COL4A3: variants seen among roughly 807,000 people sequenced by gnomAD.
The protein encoded by COL4A3 is collagen type IV alpha 3 chain.
In COL4A3, 135 loss-of-function variants were observed where a neutral mutation model predicts 217.4. That is an observed-to-expected ratio of 0.62 (90% confidence interval 0.54 to 0.72). The LOEUF (loss-of-function observed/expected upper bound fraction) is 0.72, where lower values mean the gene tolerates loss of function less well. Among genes scored for constraint, COL4A3 ranks in the 30% least tolerant of loss-of-function variants. The pLI, the probability that COL4A3 is intolerant of heterozygous loss-of-function variation, is 0.00. For synonymous variants in COL4A3, 690 were observed against 736.3 expected (o/e 0.94, Z 1.02); for missense variants, 1,868 against 2,119.9 (o/e 0.88, Z 2.33).
rs1325149395 is a variant in COL4A3, at chr2:227,276,425, C to A, written c.1968C>A (p.Gly656=). ...GELSVSTPVP[G]PPGPPGPPGH... ...TCAGTGTTTCAACACCAGTTCCAGGCCCACCAGGACCTCCAGGGCCCCCTG... is the reference window on the plus strand; with the variant it reads ...TCAGTGTTTCAACACCAGTTCCAGGACCACCAGGACCTCCAGGGCCCCCTG... The change falls in exon 27 of 52, where the codon GGC becomes GGA. Residue 656 remains glycine, a synonymous_variant. Coordinates refer to ENST00000396578, the MANE Select transcript of COL4A3 (RefSeq NM_000091.5). 1.2e-6 allele frequency: 2 copies of A among 1,614,038 alleles called. No homozygotes were observed. The highest frequency in any genetic ancestry group is 2.7e-5 in the African/African-American group (2 of 74,926).
At chr2:227,201,887 T>C (rs929252379) in intron 1 of COL4A3, among the ~76,000 whole-genome samples, 1 of 152,188 alleles carries the variant, frequency 6.6e-6, no homozygotes, top group African/African-American at 2.4e-5. Context: ...ATTACTTGTT[T>C]TGATGTATTT....
At position 227,245,857 on chromosome 2, in the gene COL4A3, A is replaced by G. The variant is rs2069302843; in HGVS notation, c.325-97A>G. On this transcript the variant is annotated intron_variant, in intron 5 of 51. Coordinates refer to ENST00000396578, the MANE Select transcript of COL4A3 (RefSeq NM_000091.5). ...TACTTAACCATTTAAACAATCATTTATATTTCAAGAGCTATTTAAATCAGT... is the reference window on the plus strand; with the variant it reads ...TACTTAACCATTTAAACAATCATTTGTATTTCAAGAGCTATTTAAATCAGT... 33 of 893,770 alleles carry G rather than the reference A, an allele frequency of 3.7e-5. No homozygotes were observed. The South Asian group carries it at 4.3e-4, about 12-fold the overall frequency. 55.4% of individuals were successfully genotyped at this position (893,770 alleles called of 1,614,324 possible).
intron 1 of COL4A3, among the ~76,000 whole-genome samples, chr2:227,195,256 C>G (rs1437656178): frequency 6.8e-6 from 1 of 146,246 alleles, no homozygotes; most frequent in African/African-American, 2.6e-5. Flanking sequence ...AATCCCAAAT[C>G]ACGTAAAATC....
chr2:227,165,112 G>T (rs1288651430), intron 1 of COL4A3, among the ~76,000 whole-genome samples: 2 of 152,134 alleles, frequency 1.3e-5, no homozygotes, highest in Non-Finnish European at 2.9e-5. Context: ...TTAAAAAATA[G>T]ACACATAGAT....
At chr2:227,236,017 G>A (rs191635136) in intron 1 of COL4A3, among the ~76,000 whole-genome samples, 67 of 151,848 alleles carry the variant, frequency 4.4e-4, no homozygotes, top group Middle Eastern at 6.8e-3. Flanking sequence ...CAGGTGATCC[G>A]CCCCCCTGGG....
At chr2:227,249,224 ATATATATT>A (rs1487282912) in intron 9 of COL4A3, among the ~76,000 whole-genome samples, 1 of 24,182 alleles carries the variant, frequency 4.1e-5, no homozygotes, top group Admixed American at 3.5e-4. Flanking sequence ...ATATATATAT[ATATATATT>A]TTTTTTTTTT....
rs778886174 is a variant in COL4A3 at position 227,245,990 on chromosome 2, G to A, written c.361G>A (p.Gly121Ser). 9.3e-6 allele frequency: 15 copies of A among 1,613,638 alleles called. No homozygotes were observed. The highest frequency in any genetic ancestry group is 1.6e-4 in the Middle Eastern group (1 of 6,084). Residue 121 changes from glycine (G) to serine (S), a missense_variant, in exon 6 of 52, where the codon GGT becomes AGT. Gly to Ser is a moderately conservative substitution (Grantham distance 56). Around this residue, in one of 2 missense-constraint regions of COL4A3, gnomAD observed 365 missense variants for 333.8 expected, o/e 1.09. Transcript: ENST00000396578. The part of the protein sequence containing the change: ...PGNTGPYGLV[G>S]VPGCSGSKGE... ...CAATACCGGGCCTTACGGACTTGTC[G>A]GTGTACCAGGATGCAGTGGTTCTAA...
At chr2:227,244,726 A>G (rs2069220621) in intron 4 of COL4A3, 1 of 717,892 alleles carries the variant, frequency 1.4e-6, no homozygotes, top group Admixed American at 2.1e-5. Context: ...TCGATCCAAA[A>G]AAGCCAAAAA....
intron 39 of COL4A3, 27 bp downstream of exon 39, chr2:227,294,597 C>T: frequency 1.3e-6 from 2 of 1,486,354 alleles, no homozygotes; most frequent in Non-Finnish European, 1.9e-6. Flanking sequence ...TTCTCTTTTT[C>T]CTTTTCATGT....
chr2:227,289,983 C>G lies in COL4A3; in HGVS notation c.2981-16C>G. 6.2e-7 allele frequency: 1 copy of G among 1,612,172 alleles called. No individual in the cohort carries two copies. Among genetic ancestry groups the G allele is most frequent in the East Asian group, 2.2e-5 (1 of 44,894 alleles). ...CAGGAACTGTGCAGGGCAATAACTA[C>G]TTATTTGTTCTCAAGGCCCCAGAGG... is the stretch of plus-strand genomic sequence containing the variant. On this transcript the variant is annotated splice_polypyrimidine_tract_variant and intron_variant, in intron 35 of 51. Coordinates refer to ENST00000396578, the MANE Select transcript of COL4A3 (RefSeq NM_000091.5).
At chr2:227,172,045 G>A (rs2065495821) in intron 1 of COL4A3, among the ~76,000 whole-genome samples, 1 of 152,164 alleles carries the variant, frequency 6.6e-6, no homozygotes, top group Non-Finnish European at 1.5e-5. Context: ...GTGTTCACTT[G>A]AGACATTCTT....
At chr2:227,302,965 T>C (rs2073357647) in intron 43 of COL4A3, 73 bp from the exon 44 acceptor site, 3 of 984,554 alleles carry the variant, frequency 3.0e-6, no homozygotes, top group Non-Finnish European at 4.9e-6. Flanking sequence ...CTATTTGCAT[T>C]TTTAAAAAAC....
At chr2:227,189,836 T>C (rs1000259083) in intron 1 of COL4A3, among the ~76,000 whole-genome samples, 3 of 152,214 alleles carry the variant, frequency 2.0e-5, no homozygotes, top group Non-Finnish European at 4.4e-5. Flanking sequence ...TGTCTTCACA[T>C]GATGTCTGCT....
chr2:227,270,565 ACTAT>A (rs2071175783), intron 24 of COL4A3, among the ~76,000 whole-genome samples: 1 of 152,220 alleles, frequency 6.6e-6, no homozygotes, highest in Non-Finnish European at 1.5e-5. Context: ...TTTGAATTAT[ACTAT>A]CTAACTGAAT....
At chr2:227,179,556 T>G (rs747463957) in intron 1 of COL4A3, among the ~76,000 whole-genome samples, 10 of 152,224 alleles carry the variant, frequency 6.6e-5, no homozygotes, top group Non-Finnish European at 1.5e-4. Flanking sequence ...TGGTATTTTA[T>G]TAGATATCCA....
At chr2:227,180,242 G>T (rs975693859) in intron 1 of COL4A3, among the ~76,000 whole-genome samples, 1 of 152,136 alleles carries the variant, frequency 6.6e-6, no homozygotes, top group African/African-American at 2.4e-5. Context: ...TGAGAACAGG[G>T]CAGCCTCTGA....
chr2:227,307,492 G>A (rs1005076402), intron 47 of COL4A3, among the ~76,000 whole-genome samples: 2 of 152,138 alleles, frequency 1.3e-5, no homozygotes, highest in African/African-American at 2.4e-5. Context: ...CTCAAAAAAC[G>A]CATCAAATAT....
Position 227,313,792 on chromosome 2 carries a change from G to A in COL4A3, c.*1922G>A, listed in dbSNP as rs540173663. On this transcript the variant is annotated 3_prime_UTR_variant, in exon 52 of 52. Coordinates refer to ENST00000396578, the MANE Select transcript of COL4A3 (RefSeq NM_000091.5). ...CTTATTGTCCCAAGTGTACTATAGC[G>A]GCATATAGAGCTAGCTAATCTCTAC... 8 of 152,186 alleles carry A rather than the reference G, an allele frequency of 5.3e-5. No individual in the cohort carries two copies. In the South Asian group the frequency reaches 1.5e-3, roughly 28 times the overall value. 9.4% of individuals were successfully genotyped at this position (152,186 alleles called of 1,614,324 possible).
intron 9 of COL4A3, among the ~76,000 whole-genome samples, chr2:227,249,530 C>G (rs1415186856): frequency 6.6e-6 from 1 of 151,808 alleles, no homozygotes; most frequent in Non-Finnish European, 1.5e-5. Context: ...GCCAACACGC[C>G]CAGCCAATTA....
Sources: allele counts gnomAD v4.1 joint callset (sites outside exome capture counted in the v4.1 genomes callset), GRCh38; gene constraint gnomAD v4.1.1; regional missense constraint gnomAD v4.1.1; transcripts MANE v1.5; gene names NCBI Gene and HGNC (gene_info 2026-07-23, HGNC 2026-07-21).